The following OCA2 variants were observed in gnomAD, a reference collection of about 807,000 sequenced individuals.
The protein encoded by OCA2 is OCA2 melanosomal transmembrane protein.
A neutral mutation model predicts 100.2 loss-of-function variants in OCA2; 77 were observed. That is an observed-to-expected ratio of 0.77 (90% CI 0.64 to 0.93). OCA2 has a LOEUF of 0.93. Among genes scored for constraint, OCA2 ranks in the 40% least tolerant of loss-of-function variants. The pLI is 0.00. For synonymous variants in OCA2, 432 were observed against 439.2 expected (o/e 0.98, Z 0.21); for missense variants, 1,062 against 1,089.1 (o/e 0.98, Z 0.35).
intron 19 of OCA2, among the ~76,000 whole-genome samples, chr15:27,919,695 G>C (rs1025921471): frequency 1.3e-5 from 2 of 152,036 alleles, no homozygotes; most frequent in Admixed American, 6.6e-5. Context: ...CATAATGATG[G>C]ATACATGTCA....
chr15:27,905,883 A>G (rs1200417667), intron 19 of OCA2, among the ~76,000 whole-genome samples: 1 of 152,268 alleles, frequency 6.6e-6, no homozygotes, highest in Non-Finnish European at 1.5e-5. Flanking sequence ...GAAAACTACA[A>G]GCCCACACTT....
intron 19 of OCA2, among the ~76,000 whole-genome samples, chr15:27,906,457 G>C (rs749016825): frequency 6.6e-6 from 1 of 152,042 alleles, no homozygotes; most frequent in South Asian, 2.1e-4. Context: ...TAAGTAAATA[G>C]ATAAATTAAA....
At chr15:27,851,599 T>G in intron 21 of OCA2, 124 bp from the exon 22 acceptor site, 1 of 851,804 alleles carries the variant, frequency 1.2e-6, no homozygotes. Flanking sequence ...ATAAGATTTG[T>G]GGAAAGAAAC....
intron 2 of OCA2, among the ~76,000 whole-genome samples, chr15:28,036,912 G>A (rs190195622): frequency 7.6e-4 from 116 of 152,216 alleles, no homozygotes; most frequent in African/African-American, 2.6e-3. Flanking sequence ...TGCAGCCATT[G>A]CTGAGGTCAG....
chr15:27,971,209 G>A (rs537321532), intron 14 of OCA2, among the ~76,000 whole-genome samples: 1 of 152,288 alleles, frequency 6.6e-6, no homozygotes, highest in Non-Finnish European at 1.5e-5. Flanking sequence ...GTCCCAGCAA[G>A]CCCAGCGCAC....
chr15:27,807,838 A>C (rs1337931818), intron 23 of OCA2, among the ~76,000 whole-genome samples: 2 of 152,230 alleles, frequency 1.3e-5, no homozygotes, highest in Non-Finnish European at 2.9e-5. Flanking sequence ...CCTGGGCATT[A>C]AGACATAAAG....
intron 23 of OCA2, among the ~76,000 whole-genome samples, chr15:27,820,833 T>A (rs1455741758): frequency 6.6e-6 from 1 of 152,214 alleles, no homozygotes. Flanking sequence ...CTATTCTTCC[T>A]GGTTACAGAC....
intron 23 of OCA2, among the ~76,000 whole-genome samples, chr15:27,819,799 C>T (rs1248101320): frequency 6.6e-6 from 1 of 152,140 alleles, no homozygotes; most frequent in Non-Finnish European, 1.5e-5. Flanking sequence ...GAATGAATGA[C>T]ATTCAGTATC....
intron 7 of OCA2, among the ~76,000 whole-genome samples, chr15:28,016,863 A>G (rs2042411070): frequency 6.6e-6 from 1 of 152,172 alleles, no homozygotes; most frequent in Admixed American, 6.5e-5. Flanking sequence ...AACTCTTCTG[A>G]GTGCTCTGAG....
intron 9 of OCA2, among the ~76,000 whole-genome samples, chr15:27,991,597 G>A (rs536970163): frequency 6.6e-6 from 1 of 152,320 alleles, no homozygotes; most frequent in South Asian, 2.1e-4. Flanking sequence ...ACGGGTCCCA[G>A]GGATCCTTAT....
intron 23 of OCA2, among the ~76,000 whole-genome samples, chr15:27,820,269 C>T (rs1373285783): frequency 6.6e-6 from 1 of 152,212 alleles, no homozygotes; most frequent in Non-Finnish European, 1.5e-5. Flanking sequence ...GTTGCTTGCT[C>T]GTGGCAACTT....
Position 28,028,010 on chromosome 15 carries a change from ACT to A in OCA2, c.374_375del (p.Glu125ValfsTer8), listed in dbSNP as rs756918960. Reference protein sequence around the residue: ...VYHPEFITAEESWEDSSADWE... With the variant: ...VYHPEFITAEXSWEDSSADWE... Reference sequence around the variant, plus strand: ...CAGTCAGCAGAGCTGTCTTCCCAAGACTCTTCAGCAGTGATGAACTCTGGATG... The same window carrying A: ...CAGTCAGCAGAGCTGTCTTCCCAAGACTTCAGCAGTGATGAACTCTGGATG... On this transcript the variant is annotated frameshift_variant, in exon 4 of 24. Transcript: ENST00000354638. LOFTEE classifies it high-confidence loss of function. The A allele has an allele frequency of 7.4e-6, 12 of 1,613,782 alleles. No individual in the cohort carries two copies. The highest frequency in any genetic ancestry group is 5.3e-5 in the African/African-American group (4 of 74,810).
intron 9 of OCA2, among the ~76,000 whole-genome samples, chr15:27,992,900 A>G (rs1433949958): frequency 1.3e-5 from 2 of 152,196 alleles, no homozygotes; most frequent in African/African-American, 4.8e-5. Flanking sequence ...AGGCAGGCAG[A>G]TTGCTTAAGG....
intron 23 of OCA2, among the ~76,000 whole-genome samples, chr15:27,842,843 T>C (rs1280197039): frequency 6.6e-6 from 1 of 152,144 alleles, no homozygotes; most frequent in Non-Finnish European, 1.5e-5. Context: ...CACACACGCA[T>C]AGGTGTGTCA....
At chr15:28,095,166 C>A (rs1417073359) in intron 1 of OCA2, among the ~76,000 whole-genome samples, 1 of 152,228 alleles carries the variant, frequency 6.6e-6, no homozygotes, top group Non-Finnish European at 1.5e-5. Flanking sequence ...CGTGGCCGCA[C>A]GGCTGAGTGC....
intron 14 of OCA2, among the ~76,000 whole-genome samples, chr15:27,969,064 G>A (rs1158922852): frequency 6.6e-6 from 1 of 151,874 alleles, no homozygotes; most frequent in Non-Finnish European, 1.5e-5. Flanking sequence ...ACACTAGCTG[G>A]GTCATGAAAT....
At chr15:27,823,161 T>C (rs557100395) in intron 23 of OCA2, among the ~76,000 whole-genome samples, 1 of 152,356 alleles carries the variant, frequency 6.6e-6, no homozygotes, top group East Asian at 1.9e-4. Context: ...CGGAGAGCCT[T>C]ATACGTTTGA....
chr15:28,022,306 G>A (rs541359861), intron 6 of OCA2, among the ~76,000 whole-genome samples, 195 bp downstream of exon 6: 1 of 152,258 alleles, frequency 6.6e-6, no homozygotes, highest in South Asian at 2.1e-4. Context: ...CACCAACCCC[G>A]CCACTGTCTC....
intron 23 of OCA2, among the ~76,000 whole-genome samples, chr15:27,768,230 T>A (rs1003200629): frequency 6.6e-6 from 1 of 152,208 alleles, no homozygotes; most frequent in Non-Finnish European, 1.5e-5. Flanking sequence ...AGCCTCTTCC[T>A]TATACATTTT....
Sources: gnomAD v4.1 joint callset for allele counts (sites outside exome capture counted in the v4.1 genomes callset) on GRCh38, gnomAD v4.1.1 for gene constraint, MANE v1.5 for transcripts, NCBI Gene and HGNC (gene_info 2026-07-23, HGNC 2026-07-21) for gene names.